MUC5B: variants seen among roughly 807,000 people sequenced by gnomAD.
The protein encoded by MUC5B is mucin 5B, oligomeric mucus/gel-forming, also known as mucin-5B.
A neutral mutation model predicts 376.9 loss-of-function variants in MUC5B; 116 were observed. The observed-to-expected ratio is 0.31, with a 90% CI of 0.26 to 0.36. MUC5B has a LOEUF of 0.36. Among genes scored for constraint, MUC5B ranks in the 10% least tolerant of loss-of-function variants. The pLI is 1.00. For synonymous variants in MUC5B, 3,517 were observed against 3,390.9 expected, an observed-to-expected ratio of 1.04 and a Z score of -1.29; for missense variants, 7,165 against 7,769.9, an observed-to-expected ratio of 0.92 and a Z score of 2.93.
In MUC5B at chr11:1,257,287, C is replaced by T. The variant is rs1162261676; in HGVS notation, c.16269+16C>T. 3 of 781,830 alleles carry T rather than the reference C, an allele frequency of 3.8e-6. No individual in the cohort carries two copies. In the East Asian group the frequency reaches 7.3e-5, roughly 19 times the overall value. 48.4% of individuals were successfully genotyped at this position (781,830 alleles called of 1,614,324 possible). ...TCCTAAATTTGTGAGTGGCTCCACCCCCACCTGCCCTACCCCACCCTCTCG... is the reference window on the plus strand; with the variant it reads ...TCCTAAATTTGTGAGTGGCTCCACCTCCACCTGCCCTACCCCACCCTCTCG... On this transcript the variant is annotated intron_variant, in intron 40 of 48. Coordinates refer to ENST00000529681, the MANE Select transcript of MUC5B (RefSeq NM_002458.3). The surrounding 1 kb of genome is among the most constrained non-coding windows in gnomAD (Gnocchi z 8.9).
Position 1,252,374 on chromosome 11 carries a change from C to T in MUC5B, c.14895C>T (p.Ala4965=), listed in dbSNP as rs989785199. Residue 4965 remains alanine (A), a synonymous_variant, in exon 32 of 49, where the codon GCC becomes GCT. Coordinates refer to ENST00000529681, the MANE Select transcript of MUC5B (RefSeq NM_002458.3). ...GEVIYNKTDR[A]GCHFYAVCNQ... ...TCATCTACAATAAGACCGACCGAGC[C>T]GGCTGCCATTTCTACGCAGTGTGCA... is the stretch of plus-strand genomic sequence containing the variant. 2.0e-5 allele frequency: 31 copies of T among 1,585,030 alleles called. No homozygotes were observed. The highest frequency in any genetic ancestry group is 1.2e-4 in the African/African-American group (9 of 73,954).
In MUC5B at chr11:1,242,693, T is replaced by A. The variant is rs766295230; in HGVS notation, c.5813T>A (p.Val1938Glu). The change falls in exon 31 of 49, where the codon GTG (valine) becomes GAG (glutamate). Residue 1938 changes from valine to glutamate, a missense_variant. By Grantham distance (121) the Val-to-Glu change is moderately radical. Around this residue, in one of 31 missense-constraint regions of MUC5B, gnomAD observed 897 missense variants for 779.6 expected, o/e 1.15. Coordinates refer to ENST00000529681, the MANE Select transcript of MUC5B (RefSeq NM_002458.3). ...CTGAGAACAGCTCCCCCTCCCAAAG[T>A]GCTGACCACCACGGCCACCACACCC... is the stretch of plus-strand genomic sequence containing the variant. ...STLRTAPPPKVLTTTATTPTV... is the reference protein window; with the variant it reads ...STLRTAPPPKELTTTATTPTV... The A allele has an allele frequency of 3.7e-6, 6 of 1,613,124 alleles. No homozygotes were observed. In the African/African-American group the frequency reaches 6.7e-5, roughly 18 times the overall value.
At chr11:1,224,532 G>T (rs1462175181) in intron 1 of MUC5B, among the ~76,000 whole-genome samples, 1 of 144,584 alleles carries the variant, frequency 6.9e-6, no homozygotes, top group Non-Finnish European at 1.5e-5. Context: ...TGCCTGGGGC[G>T]GGGGAGGGGC....
intron 48 of MUC5B, 35 bp downstream of exon 48, chr11:1,260,763 T>C (rs1318946427): frequency 2.0e-6 from 3 of 1,503,008 alleles, no homozygotes; most frequent in Non-Finnish European, 9.2e-7. Flanking sequence ...CAAGAGCACC[T>C]GCGTGTGGTG....
intron 23 of MUC5B, 138 bp downstream of exon 23, chr11:1,235,551 CA>C: frequency 2.7e-6 from 2 of 731,458 alleles, no homozygotes; most frequent in South Asian, 3.2e-5. Flanking sequence ...CAAGCAGCCA[CA>C]AACCAGGGGG....
rs201412467 is a variant in MUC5B, at chr11:1,245,799, C to G, written c.8919C>G (p.Ser2973Arg). Residue 2973 changes from serine (S) to arginine (R), a missense_variant, in exon 31 of 49, where the codon AGC becomes AGG. Physicochemically the swap from Ser to Arg is moderately radical, Grantham distance 110 (BLOSUM62 -1). This residue lies in a region of MUC5B where 939 missense variants were observed against 770.6 expected (regional missense o/e 1.22). Coordinates refer to ENST00000529681, the MANE Select transcript of MUC5B (RefSeq NM_002458.3). ...GCTGCAACTACGGCCACTGCCCCAG[C>G]ACCCCGGCCACCAGCTCTACGGCCA... ...VFCCNYGHCP[S>R]TPATSSTATP... is the part of the protein sequence containing the mutation. The G allele has an allele frequency of 1.7e-4, 275 of 1,613,124 alleles. No homozygotes were observed. The highest frequency in any genetic ancestry group is 2.1e-4 in the Non-Finnish European group (253 of 1,179,766).
At position 1,248,695 on chromosome 11, in the gene MUC5B, C is replaced by G; in HGVS notation, c.11815C>G (p.Gln3939Glu). The G allele has an allele frequency of 6.3e-7, 1 of 1,578,128 alleles. No homozygotes were observed. Among genetic ancestry groups the G allele is most frequent in the Non-Finnish European group, 8.6e-7 (1 of 1,162,648 alleles). Residue 3939 changes from glutamine to glutamate, a missense_variant, in exon 31 of 49, where the codon CAG becomes GAG. Transcript: ENST00000529681. ...TATGGCAACACCCTCCTCTAGCACA[C>G]AGACCAGTGGTACTCCCCCATCACT... Reference protein sequence around the residue: ...GSMATPSSSTQTSGTPPSLIT... With the variant: ...GSMATPSSSTETSGTPPSLIT...
At position 1,251,576 on chromosome 11, in the gene MUC5B, C is replaced by G; in HGVS notation, c.14696C>G (p.Thr4899Ser). The G allele has an allele frequency of 6.2e-7, 1 of 1,612,912 alleles. No homozygotes were observed. The highest frequency in any genetic ancestry group is 8.5e-7 in the Non-Finnish European group (1 of 1,179,806). ...ATASTVPSSS[T>S]VGTTRTPAVL... ...GCCTCCACGGTTCCCAGCTCGTCCA[C>G]CGTGGGGACCACCCGCACCCCTGCA... is the stretch of plus-strand genomic sequence containing the variant. Residue 4899 changes from threonine to serine, a missense_variant, in exon 31 of 49, where the codon ACC becomes AGC. By Grantham distance (58) the Thr-to-Ser change is moderately conservative. Around this residue, in one of 31 missense-constraint regions of MUC5B, gnomAD observed 730 missense variants for 592.7 expected, o/e 1.23. Coordinates refer to ENST00000529681, the MANE Select transcript of MUC5B (RefSeq NM_002458.3).
In MUC5B at chr11:1,257,557, C is replaced by A. The variant is rs1356386879; in HGVS notation, c.16297C>A (p.Gln5433Lys). Residue 5433 changes from glutamine (Q) to lysine (K), a missense_variant, in exon 41 of 49, where the codon CAG (glutamine) becomes AAG (lysine). Gln to Lys is a moderately conservative substitution (Grantham distance 53). Coordinates refer to ENST00000529681, the MANE Select transcript of MUC5B (RefSeq NM_002458.3). The surrounding 1 kb of genome is among the most constrained non-coding windows in gnomAD (Gnocchi z 8.9). The part of the protein sequence containing the change: ...FPGERWVSNC[Q>K]SCVCDEGSVS... Reference sequence around the variant, plus strand: ...CGGGGAGCGGTGGGTCAGCAACTGCCAGTCCTGCGTGTGTGACGAGGGTTC... The same window carrying A: ...CGGGGAGCGGTGGGTCAGCAACTGCAAGTCCTGCGTGTGTGACGAGGGTTC... 6.2e-7 allele frequency: 1 copy of A among 1,608,526 alleles called. No individual in the cohort carries two copies. The highest frequency in any genetic ancestry group is 1.1e-5 in the South Asian group (1 of 91,066).
In MUC5B at chr11:1,242,650, G is replaced by A. The variant is rs375760876; in HGVS notation, c.5770G>A (p.Ala1924Thr). 8 of 1,613,346 alleles carry A rather than the reference G, an allele frequency of 5.0e-6. No homozygotes were observed. The African/African-American group carries it at 9.4e-5, about 19-fold the overall frequency. Residue 1924 changes from alanine to threonine, a missense_variant, in exon 31 of 49, where the codon GCC becomes ACC. Transcript: ENST00000529681. ...ATTTASTGST[A>T]TPTSTLRTAP... ...TACGACTGCGTCCACTGGATCCACG[G>A]CCACCCCGACCTCCACCCTGAGAAC...
chr11:1,256,844 C>T, intron 39 of MUC5B, 73 bp downstream of exon 39: 1 of 1,237,010 alleles, frequency 8.1e-7, no homozygotes, highest in Non-Finnish European at 1.1e-6. Flanking sequence ...GAGGAGCCGC[C>T]CAGGACCATG....
In MUC5B at chr11:1,254,191, A is replaced by G. The variant is rs758309285; in HGVS notation, c.15317A>G (p.His5106Arg). The G allele has an allele frequency of 6.2e-7, 1 of 1,612,886 alleles. No individual in the cohort carries two copies. The highest frequency in any genetic ancestry group is 1.1e-5 in the South Asian group (1 of 91,092). The change falls in exon 34 of 49, where the codon CAT (histidine) becomes CGT (arginine). Residue 5106 changes from histidine to arginine, a missense_variant. By Grantham distance (29) the His-to-Arg change is conservative. This residue lies in a region of MUC5B where 842 missense variants were observed against 1,016.9 expected (regional missense o/e 0.83). Coordinates refer to ENST00000529681, the MANE Select transcript of MUC5B (RefSeq NM_002458.3). The stretch of plus-strand genomic sequence containing the variant: ...ACCTATGTCCTCATGAGAGAGATCC[A>G]TGCACGCTTTGGGAATCTCAGCCTC... ...NCTYVLMREI[H>R]ARFGNLSLYL...
intron 26 of MUC5B, 174 bp downstream of exon 26, chr11:1,239,201 A>C: frequency 1.0e-6 from 1 of 952,630 alleles, no homozygotes; most frequent in East Asian, 2.6e-5. Context: ...ACCTGTGCAA[A>C]ACCACCAGAC....
chr11:1,236,213 C>A, intron 23 of MUC5B, 173 bp from the exon 24 acceptor site: 1 of 599,268 alleles, frequency 1.7e-6, no homozygotes, highest in Non-Finnish European at 2.8e-6. Context: ...CCTGGCCAGC[C>A]TCTTGCCAAA....
intron 39 of MUC5B, 110 bp downstream of exon 39, chr11:1,256,881 C>A (rs1004394419): frequency 3.7e-5 from 31 of 845,698 alleles, no homozygotes; most frequent in Non-Finnish European, 5.3e-5. Context: ...CCCCAGCTGA[C>A]CCCCGTGACC....
chr11:1,254,280 C>G lies in MUC5B; in HGVS notation c.15406C>G (p.Leu5136Val). ...CGCTGCCGCCCGCTGCCCCCGCGCC[C>G]TCAGCATCCACTACAAGTCCATGGA... ...TAAAARCPRALSIHYKSMDIV... is the reference protein window; with the variant it reads ...TAAAARCPRAVSIHYKSMDIV... The change falls in exon 34 of 49, where the codon CTC becomes GTC. Residue 5136 changes from leucine (L) to valine (V), a missense_variant. By Grantham distance (32) the Leu-to-Val change is conservative. Coordinates refer to ENST00000529681, the MANE Select transcript of MUC5B (RefSeq NM_002458.3). 6.2e-7 allele frequency: 1 copy of G among 1,611,298 alleles called. No individual in the cohort carries two copies. The highest frequency in any genetic ancestry group is 8.5e-7 in the Non-Finnish European group (1 of 1,179,862).
chr11:1,249,369 G>A lies in MUC5B; in HGVS notation c.12489G>A (p.Gly4163=). 6.2e-7 allele frequency: 1 copy of A among 1,610,996 alleles called. No homozygotes were observed. The highest frequency in any genetic ancestry group is 8.5e-7 in the Non-Finnish European group (1 of 1,179,554). The change falls in exon 31 of 49, where the codon GGG becomes GGA. Residue 4163 remains glycine, a synonymous_variant. Transcript: ENST00000529681. The stretch of plus-strand genomic sequence containing the variant: ...ACTCCAACATCCGTGCGGCCGGAGG[G>A]GCCGTCTGTGAGCAGCCCCTGGGCC... The part of the protein sequence containing the change: ...DTYSNIRAAG[G]AVCEQPLGLE...
chr11:1,261,264 G>T (rs1862988445), intron 48 of MUC5B, 125 bp from the exon 49 acceptor site: 4 of 802,256 alleles, frequency 5.0e-6, no homozygotes, highest in Non-Finnish European at 7.9e-6. Context: ...CCACAGAGCA[G>T]GCCACTGTGG....
In MUC5B at chr11:1,234,692, G is replaced by A; in HGVS notation, c.2630+12G>A. ...GACTGCAACACCTGGTGGGTCGTGA[G>A]TCTCTCGGAGGCAGCAGGTGGGGAG... On this transcript the variant is annotated intron_variant, in intron 21 of 48. Coordinates refer to ENST00000529681, the MANE Select transcript of MUC5B (RefSeq NM_002458.3). This position sits in a 1 kb window ranked among gnomAD's most constrained non-coding sequence, Gnocchi z 6.3. 6.8e-7 allele frequency: 1 copy of A among 1,466,874 alleles called. No homozygotes were observed. Among genetic ancestry groups the A allele is most frequent in the South Asian group, 1.3e-5 (1 of 78,058 alleles). 90.9% of individuals were successfully genotyped at this position (1,466,874 alleles called of 1,614,324 possible).
Sources: gnomAD v4.1 joint callset for allele counts (sites outside exome capture counted in the v4.1 genomes callset) on GRCh38, gnomAD v4.1.1 for gene constraint, gnomAD v4.1.1 regional missense constraint, Gnocchi (gnomAD v3.1) non-coding constraint, MANE v1.5 for transcripts, NCBI Gene and HGNC (gene_info 2026-07-23, HGNC 2026-07-21) for gene names.